Variants in PALM2AKAP2 observed in about 807,000 individuals in gnomAD.
PALM2AKAP2 encodes the protein PALM2-AKAP2 fusion protein.
PALM2AKAP2 carries 37 observed loss-of-function variants against 71.5 expected under a neutral mutation model. The ratio of observed to expected loss-of-function variants is 0.52; its 90% CI spans 0.40 to 0.68. The LOEUF (loss-of-function observed/expected upper bound fraction) is 0.68. Among genes scored for constraint, PALM2AKAP2 ranks in the 30% least tolerant of loss-of-function variants. The pLI is 0.00. For synonymous variants in PALM2AKAP2, 468 were observed against 478.8 expected (o/e 0.98, Z 0.29); for missense variants, 1,224 against 1,191.8 (o/e 1.03, Z -0.40).
intron 1 of PALM2AKAP2, among the ~76,000 whole-genome samples, chr9:110,054,436 T>G (rs887969834): frequency 6.6e-6 from 1 of 152,148 alleles, no homozygotes; most frequent in Non-Finnish European, 1.5e-5. Flanking sequence ...TGTTCAAAAC[T>G]TGTGTAAAAT....
chr9:109,790,514 T>C (rs1033119996), intron 1 of PALM2AKAP2, among the ~76,000 whole-genome samples: 4 of 152,206 alleles, frequency 2.6e-5, no homozygotes, highest in African/African-American at 9.7e-5. Flanking sequence ...TGTCTGTGTT[T>C]GAGTGCTAAT....
At chr9:109,783,843 C>A (rs185260518) in intron 1 of PALM2AKAP2, among the ~76,000 whole-genome samples, 12 of 152,332 alleles carry the variant, frequency 7.9e-5, no homozygotes, top group Non-Finnish European at 1.5e-4. Context: ...CACATAATTT[C>A]TTGAAGGACA....
intron 1 of PALM2AKAP2, among the ~76,000 whole-genome samples, chr9:109,826,919 A>T (rs1264806976): frequency 1.3e-5 from 2 of 152,304 alleles, no homozygotes; most frequent in East Asian, 3.9e-4. Flanking sequence ...CTTCTCAAAG[A>T]TATGGTTCTC....
chr9:109,680,968 T>C (rs1204258954), intron 1 of PALM2AKAP2, among the ~76,000 whole-genome samples: 1 of 152,070 alleles, frequency 6.6e-6, no homozygotes, highest in Non-Finnish European at 1.5e-5. Flanking sequence ...AGTTAGACAA[T>C]AAGGAAAACA....
At chr9:109,953,654 G>A (rs1477731660) in intron 6 of PALM2AKAP2, among the ~76,000 whole-genome samples, 1 of 151,910 alleles carries the variant, frequency 6.6e-6, no homozygotes, top group East Asian at 1.9e-4. Flanking sequence ...TGGCCAACAT[G>A]GTGAAACCCC....
intron 1 of PALM2AKAP2, among the ~76,000 whole-genome samples, chr9:109,832,075 G>GCAAGGGGAA (rs1828315895): frequency 6.6e-6 from 1 of 152,116 alleles, no homozygotes; most frequent in South Asian, 2.1e-4. Flanking sequence ...AGACAGGGAG[G>GCAAGGGGAA]CAAGGGGAAG....
At chr9:109,698,860 G>A (rs1828012134) in intron 1 of PALM2AKAP2, among the ~76,000 whole-genome samples, 1 of 152,208 alleles carries the variant, frequency 6.6e-6, no homozygotes, top group South Asian at 2.1e-4. Flanking sequence ...GCCTTGAGGG[G>A]TAGAGACTTA....
chr9:110,120,698 T>TAC, intron 1 of PALM2AKAP2, among the ~76,000 whole-genome samples: 1 of 152,204 alleles, frequency 6.6e-6, no homozygotes, highest in African/African-American at 2.4e-5. Context: ...AGAGACAAGG[T>TAC]TTCACCATGT....
At chr9:109,719,883 C>T (rs1238271932) in intron 1 of PALM2AKAP2, among the ~76,000 whole-genome samples, 1 of 152,220 alleles carries the variant, frequency 6.6e-6, no homozygotes, top group African/African-American at 2.4e-5. Context: ...CCTAGCCCAA[C>T]AGTCAGGAAG....
intron 3 of PALM2AKAP2, among the ~76,000 whole-genome samples, chr9:109,922,892 A>G (rs1195948275): frequency 1.3e-5 from 2 of 152,194 alleles, no homozygotes; most frequent in Non-Finnish European, 2.9e-5. Flanking sequence ...GCCAAGCCCT[A>G]CTGATCTCAT....
intron 3 of PALM2AKAP2, among the ~76,000 whole-genome samples, chr9:109,916,321 CTTTG>C (rs1241177314): frequency 1.3e-5 from 2 of 152,194 alleles, no homozygotes; most frequent in Non-Finnish European, 1.5e-5. Context: ...CTTCCCTTCT[CTTTG>C]TTTGGGCCTT....
intron 1 of PALM2AKAP2, among the ~76,000 whole-genome samples, chr9:109,642,568 C>A (rs1017978147): frequency 4.6e-5 from 7 of 151,180 alleles, no homozygotes; most frequent in African/African-American, 1.7e-4. Flanking sequence ...CCAAGCTATT[C>A]TTCATTTTAG....
intron 1 of PALM2AKAP2, among the ~76,000 whole-genome samples, chr9:110,135,164 A>AAAAAAAAAAATATATATATATAT: frequency 7.7e-5 from 4 of 51,726 alleles, no homozygotes; most frequent in African/African-American, 2.2e-4. Context: ...AAAAAAAAAA[A>AAAAAAAAAAATATATATATATAT]ATATATAAAT....
intron 3 of PALM2AKAP2, among the ~76,000 whole-genome samples, chr9:109,920,179 C>G (rs566678366): frequency 5.3e-5 from 8 of 152,316 alleles, no homozygotes; most frequent in African/African-American, 1.9e-4. Context: ...TGTGTCTTAT[C>G]TGCTCACATC....
chr9:109,689,465 G>A (rs1827851340), intron 1 of PALM2AKAP2, among the ~76,000 whole-genome samples: 1 of 152,098 alleles, frequency 6.6e-6, no homozygotes, highest in African/African-American at 2.4e-5. Flanking sequence ...CACCCAAAGT[G>A]CTGGGATTAC....
intron 1 of PALM2AKAP2, among the ~76,000 whole-genome samples, chr9:109,793,359 G>A (rs1221801747): frequency 6.6e-6 from 1 of 152,146 alleles, no homozygotes; most frequent in African/African-American, 2.4e-5. Flanking sequence ...GCTCAAACTG[G>A]ATGAGTTTAA....
chr9:109,772,987 G>A (rs912339951), intron 1 of PALM2AKAP2, among the ~76,000 whole-genome samples: 2 of 152,084 alleles, frequency 1.3e-5, no homozygotes, highest in African/African-American at 4.8e-5. Context: ...GTGTGGTGGC[G>A]GGCGCCTGTA....
chr9:110,104,228 G>A (rs1252541051), intron 1 of PALM2AKAP2, among the ~76,000 whole-genome samples: 8 of 152,010 alleles, frequency 5.3e-5, no homozygotes, highest in Non-Finnish European at 7.4e-5. Context: ...CAATCTGGTC[G>A]CAAACTGGAT....
chr9:109,900,299 T>G (rs1419429119), intron 3 of PALM2AKAP2, among the ~76,000 whole-genome samples: 1 of 152,226 alleles, frequency 6.6e-6, no homozygotes. Flanking sequence ...CTAAATTGGT[T>G]GATATAACAT....
Sources: allele counts gnomAD v4.1 joint callset (sites outside exome capture counted in the v4.1 genomes callset), GRCh38; gene constraint gnomAD v4.1.1; transcripts MANE v1.5; gene names NCBI Gene and HGNC (gene_info 2026-07-23, HGNC 2026-07-21).